GTF2E2: variants seen among roughly 807,000 people sequenced by gnomAD.
The protein encoded by GTF2E2 is transcription initiation factor IIE subunit beta.
In GTF2E2, 21 loss-of-function variants were observed where a neutral mutation model predicts 40.5. The ratio of observed to expected loss-of-function variants is 0.52; its 90% CI spans 0.37 to 0.75. GTF2E2 has a LOEUF of 0.75. Among genes scored for constraint, GTF2E2 ranks in the 30% least tolerant of loss-of-function variants. GTF2E2 has a pLI of 0.00. For missense variants in GTF2E2, 298 were observed against 338.4 expected, an observed-to-expected ratio of 0.88 and a Z score of 0.94; for synonymous variants, 117 against 121.6, an observed-to-expected ratio of 0.96 and a Z score of 0.25.
At chr8:30,638,852 A>T (rs1022588341) in intron 2 of GTF2E2, among the ~76,000 whole-genome samples, 10 of 152,202 alleles carry the variant, frequency 6.6e-5, no homozygotes, top group African/African-American at 2.4e-4. Context: ...CTGTGCCTTA[A>T]TGGAAAATTC....
chr8:30,606,401 A>G (rs1430725597), intron 6 of GTF2E2, among the ~76,000 whole-genome samples: 1 of 152,196 alleles, frequency 6.6e-6, no homozygotes, highest in Non-Finnish European at 1.5e-5. Context: ...TTTTCCTGCC[A>G]TTTTATAAAA....
At chr8:30,631,447 T>C (rs910544271) in intron 3 of GTF2E2, among the ~76,000 whole-genome samples, 1 of 152,208 alleles carries the variant, frequency 6.6e-6, no homozygotes, top group Non-Finnish European at 1.5e-5. Flanking sequence ...AAAGAAATAC[T>C]TTCTAGGACT....
In GTF2E2 at chr8:30,607,115, G is replaced by T; in HGVS notation, c.585C>A (p.Pro195=). The T allele has an allele frequency of 6.7e-7, 1 of 1,483,594 alleles. No homozygotes were observed. The highest frequency in any genetic ancestry group is 1.2e-5 in the South Asian group (1 of 82,044). 91.9% of individuals were successfully genotyped at this position (1,483,594 alleles called of 1,614,324 possible). The change falls in exon 6 of 8, where the codon CCC becomes CCA. Residue 195 remains proline, a synonymous_variant. Coordinates refer to ENST00000355904, the MANE Select transcript of GTF2E2 (RefSeq NM_002095.6). ...LGDQILFVNR[P]DKKKILFFND... is the part of the protein sequence containing the mutation. ...TGAAGAAAAGTATTTTCTTCTTATC[G>T]GGACGATTTACAAATAGTATCTGGT...
chr8:30,591,503 A>T (rs1828850730), intron 6 of GTF2E2, among the ~76,000 whole-genome samples: 1 of 150,884 alleles, frequency 6.6e-6, no homozygotes, highest in South Asian at 2.1e-4. Flanking sequence ...AAAATAAAAT[A>T]AAAATAAAAT....
At chr8:30,649,642 CA>C (rs1339672504) in intron 2 of GTF2E2, among the ~76,000 whole-genome samples, 1 of 152,102 alleles carries the variant, frequency 6.6e-6, no homozygotes, top group Admixed American at 6.5e-5. Flanking sequence ...GTCAGGAGCT[CA>C]AGACTAGCCT....
At chr8:30,591,981 T>G (rs1342247716) in intron 6 of GTF2E2, among the ~76,000 whole-genome samples, 1 of 152,214 alleles carries the variant, frequency 6.6e-6, no homozygotes, top group Non-Finnish European at 1.5e-5. Context: ...CTGCTATAGC[T>G]GCATCCCATG....
rs188727092 is a variant in GTF2E2, at chr8:30,594,953, T to C, written c.643+12104A>G. Among the ~76,000 whole-genome samples the C allele has an allele frequency of 3.8e-3, 579 of 152,312 alleles. 2 individuals carry two copies. The highest frequency in any genetic ancestry group is 0.013 in the African/African-American group (532 of 41,576). On this transcript the variant is annotated intron_variant, in intron 6 of 7. Transcript: ENST00000355904. ...CATTTACATTTAACACAATGATTAA[T>C]GTAGTTGGAATAAAGGCTATAATCT...
At chr8:30,591,987 C>T (rs1828863538) in intron 6 of GTF2E2, among the ~76,000 whole-genome samples, 1 of 152,084 alleles carries the variant, frequency 6.6e-6, no homozygotes, top group Non-Finnish European at 1.5e-5. Flanking sequence ...TAGCTGCATC[C>T]CATGAATTTT....
chr8:30,607,202 CA>C lies in GTF2E2; in HGVS notation c.550-53del, dbSNP rs375698365. The C allele has an allele frequency of 0.11, 50,786 of 454,136 alleles. 25 individuals carry two copies. Among genetic ancestry groups the C allele is most frequent in the South Asian group, 0.14 (3,511 of 25,358 alleles). The allele number at this position is 454,136 out of a possible 1,614,324, so 28.1% of individuals were successfully genotyped here. On this transcript the variant is annotated intron_variant, in intron 5 of 7. Coordinates refer to ENST00000355904, the MANE Select transcript of GTF2E2 (RefSeq NM_002095.6). ...TTCAGTTAACTCCAAATTACCTCAC[CA>C]AAAAAAAAAAAAATTTAAACAATAA... is the stretch of plus-strand genomic sequence containing the variant.
At chr8:30,652,715 C>T (rs968394816) in intron 2 of GTF2E2, among the ~76,000 whole-genome samples, 71 of 151,930 alleles carry the variant, frequency 4.7e-4, no homozygotes, top group African/African-American at 1.7e-3. Flanking sequence ...GGTCTCTATC[C>T]AAAAGAGATA....
chr8:30,579,829 C>T (rs953309844), intron 7 of GTF2E2, among the ~76,000 whole-genome samples: 8 of 152,144 alleles, frequency 5.3e-5, no homozygotes, highest in South Asian at 2.1e-4. Context: ...AGAGACTATA[C>T]GGACAAAAAT....
chr8:30,615,094 C>T (rs1425003085), intron 3 of GTF2E2, among the ~76,000 whole-genome samples: 1 of 152,024 alleles, frequency 6.6e-6, no homozygotes, highest in Non-Finnish European at 1.5e-5. Flanking sequence ...GCCTGGCCAA[C>T]ATGGTGAAAC....
At position 30,607,584 on chromosome 8, in the gene GTF2E2, A is replaced by G. The variant is rs549808457; in HGVS notation, c.550-434T>C. On this transcript the variant is annotated intron_variant, in intron 5 of 7. Coordinates refer to ENST00000355904, the MANE Select transcript of GTF2E2 (RefSeq NM_002095.6). ...GTGTGAGCCACTGCACTCAGCCCCAATTTTAGTTTTTGAGTTTCTTTCTTG... is the reference window on the plus strand; with the variant it reads ...GTGTGAGCCACTGCACTCAGCCCCAGTTTTAGTTTTTGAGTTTCTTTCTTG... 1.1e-4 allele frequency among the ~76,000 whole-genome samples: 17 copies of G among 152,168 alleles called. 1 individual carries two copies. Among genetic ancestry groups the G allele is most frequent in the African/African-American group, 1.9e-4 (8 of 41,438 alleles).
chr8:30,599,835 T>C (rs1829123687), intron 6 of GTF2E2, among the ~76,000 whole-genome samples: 1 of 151,872 alleles, frequency 6.6e-6, no homozygotes, highest in African/African-American at 2.4e-5. Flanking sequence ...ATACAAAAAT[T>C]AGCTGGGCGT....
At chr8:30,636,320 A>G (rs1801597991) in intron 2 of GTF2E2, among the ~76,000 whole-genome samples, 1 of 152,242 alleles carries the variant, frequency 6.6e-6, no homozygotes, top group Admixed American at 6.5e-5. Flanking sequence ...GTTAAGTAAA[A>G]GGGGAGAGGA....
chr8:30,582,199 G>A (rs1016946384), intron 6 of GTF2E2, among the ~76,000 whole-genome samples: 6 of 151,966 alleles, frequency 3.9e-5, no homozygotes, highest in African/African-American at 1.2e-4. Flanking sequence ...GGGGGTGGGG[G>A]GTTGTGTAGA....
At chr8:30,594,259 C>CT (rs541723621) in intron 6 of GTF2E2, among the ~76,000 whole-genome samples, 7 of 146,342 alleles carry the variant, frequency 4.8e-5, no homozygotes, top group South Asian at 2.2e-4. Context: ...AAGTGAGTTT[C>CT]TTTTTTTTTC....
At chr8:30,626,531 T>C (rs1264280075) in intron 3 of GTF2E2, among the ~76,000 whole-genome samples, 1 of 152,210 alleles carries the variant, frequency 6.6e-6, no homozygotes, top group Non-Finnish European at 1.5e-5. Context: ...TCATATTTTT[T>C]GCAACTTTCT....
rs192621541 is a variant in GTF2E2, at chr8:30,591,628, G to A, written c.644-11232C>T. On this transcript the variant is annotated intron_variant, in intron 6 of 7. Transcript: ENST00000355904. Reference sequence around the variant, plus strand: ...ACATCCACCAGAATGGCTAAAATCAGTGTTGGCAAGGGTGTGGGGAAAGCA... The same window carrying A: ...ACATCCACCAGAATGGCTAAAATCAATGTTGGCAAGGGTGTGGGGAAAGCA... Among the ~76,000 whole-genome samples, 11 of 152,346 alleles carry A rather than the reference G, an allele frequency of 7.2e-5. No individual in the cohort carries two copies. In the East Asian group the frequency reaches 1.9e-3, roughly 27 times the overall value.
Sources: gnomAD v4.1 joint callset for allele counts (sites outside exome capture counted in the v4.1 genomes callset) on GRCh38, gnomAD v4.1.1 for gene constraint, MANE v1.5 for transcripts, NCBI Gene and HGNC (gene_info 2026-07-23, HGNC 2026-07-21) for gene names.